The following NSL1 variants were observed in gnomAD, a reference collection of about 807,000 sequenced individuals.
NSL1 encodes NSL1 component of MIS12 kinetochore complex.
NSL1 carries 11 observed loss-of-function variants against 25.4 expected under a neutral mutation model. That is an observed-to-expected ratio of 0.43 (90% CI 0.27 to 0.72). The LOEUF is 0.72. Ranked by LOEUF, NSL1 falls within the 30% of genes least tolerant of loss-of-function variation. The pLI, the probability that NSL1 is intolerant of heterozygous loss-of-function variation, is 0.19. For missense variants in NSL1, 330 were observed against 342.7 expected (o/e 0.96, Z 0.29); for synonymous variants, 118 against 120.6 (o/e 0.98, Z 0.14).
chr1:212,740,424 A>T (rs1251686986), intron 4 of NSL1, among the ~76,000 whole-genome samples: 1 of 152,234 alleles, frequency 6.6e-6, no homozygotes, highest in Non-Finnish European at 1.5e-5. Context: ...AGCTTACTGA[A>T]AGAGGGCACT....
At chr1:212,778,452 G>A (rs1029321381) in intron 4 of NSL1, among the ~76,000 whole-genome samples, 4 of 152,288 alleles carry the variant, frequency 2.6e-5, no homozygotes, top group East Asian at 3.9e-4. Context: ...ATGCCGAGCC[G>A]AAGCTGGACT....
At chr1:212,761,290 C>T (rs762121094) in intron 4 of NSL1, among the ~76,000 whole-genome samples, 10 of 152,200 alleles carry the variant, frequency 6.6e-5, no homozygotes, top group Admixed American at 1.3e-4. Context: ...TGGCTCACCC[C>T]TGTAATCCTA....
At chr1:212,754,055 A>AG (rs985924180) in intron 4 of NSL1, among the ~76,000 whole-genome samples, 1 of 152,196 alleles carries the variant, frequency 6.6e-6, no homozygotes, top group Non-Finnish European at 1.5e-5. Context: ...AGAGGTAGGT[A>AG]GGGGCCAGAT....
rs1658288239 is a variant in NSL1, at chr1:212,737,680, C to A, written c.*728G>T. ...GATTTGTAAAGAAATAAATAAGAAACCCTAAAAAGAAACCATTAGTTCCAA... is the reference window on the plus strand; with the variant it reads ...GATTTGTAAAGAAATAAATAAGAAAACCTAAAAAGAAACCATTAGTTCCAA... On this transcript the variant is annotated 3_prime_UTR_variant, in exon 6 of 6. Coordinates refer to ENST00000366977, the MANE Select transcript of NSL1 (RefSeq NM_015471.4). The A allele has an allele frequency of 2.1e-6, 2 of 963,050 alleles. No homozygotes were observed. The highest frequency in any genetic ancestry group is 2.5e-6 in the Non-Finnish European group (2 of 809,704). The allele number at this position is 963,050 out of a possible 1,614,324, so 59.7% of individuals were successfully genotyped here.
intron 4 of NSL1, among the ~76,000 whole-genome samples, chr1:212,749,359 T>C (rs946325623): frequency 1.4e-5 from 2 of 147,654 alleles, no homozygotes; most frequent in Non-Finnish European, 3.0e-5. Context: ...TTTTTTTTTT[T>C]TTTGAGACAG....
chr1:212,730,415 G>A lies in NSL1; in HGVS notation c.*7993C>T. 1.0e-6 allele frequency: 1 copy of A among 985,196 alleles called. No individual in the cohort carries two copies. Among genetic ancestry groups the A allele is most frequent in the East Asian group, 1.1e-4 (1 of 8,808 alleles). 61.0% of individuals were successfully genotyped at this position (985,196 alleles called of 1,614,324 possible). On this transcript the variant is annotated 3_prime_UTR_variant, in exon 6 of 6. Coordinates refer to ENST00000366977, the MANE Select transcript of NSL1 (RefSeq NM_015471.4). ...TGTGGGCCACAGAGCTACATGAATG[G>A]GCACCAAGGGAGGTCTTAAAATCTG...
rs576682513 is a variant in NSL1, at chr1:212,733,511, T to C, written c.*4897A>G. Among the ~76,000 whole-genome samples, 4 of 152,258 alleles carry C rather than the reference T, an allele frequency of 2.6e-5. No individual in the cohort carries two copies. The highest frequency in any genetic ancestry group is 9.6e-5 in the African/African-American group (4 of 41,560). ...TCCACCCTCTCCATCTTTCCAGCCTTAGGCAGTGACAGATCTATTTTTTGT... is the reference window on the plus strand; with the variant it reads ...TCCACCCTCTCCATCTTTCCAGCCTCAGGCAGTGACAGATCTATTTTTTGT... On this transcript the variant is annotated 3_prime_UTR_variant, in exon 6 of 6. Coordinates refer to ENST00000366977, the MANE Select transcript of NSL1 (RefSeq NM_015471.4).
intron 4 of NSL1, among the ~76,000 whole-genome samples, chr1:212,765,621 G>A (rs181194867): frequency 9.3e-4 from 141 of 152,054 alleles, no homozygotes; most frequent in Middle Eastern, 6.8e-3. Context: ...AGGAATTTGA[G>A]ACCAGCCTGG....
rs1657891833 is a variant in NSL1, at chr1:212,728,838, TC to T, written c.*9569del. 3 of 985,258 alleles carry T rather than the reference TC, an allele frequency of 3.0e-6. No homozygotes were observed. Among genetic ancestry groups the T allele is most frequent in the Non-Finnish European group, 3.6e-6 (3 of 829,894 alleles). The allele number at this position is 985,258 out of a possible 1,614,324, so 61.0% of individuals were successfully genotyped here. On this transcript the variant is annotated 3_prime_UTR_variant, in exon 6 of 6. Transcript: ENST00000366977. Reference sequence around the variant, plus strand: ...GGCCCTCAGCGCAGAGAAAATTAAGTCTAGTGTTTGCAGGAGGGCAAGACTG... The same window carrying T: ...GGCCCTCAGCGCAGAGAAAATTAAGTTAGTGTTTGCAGGAGGGCAAGACTG...
intron 4 of NSL1, among the ~76,000 whole-genome samples, chr1:212,773,094 A>C (rs1214215446): frequency 6.6e-6 from 1 of 152,244 alleles, no homozygotes; most frequent in African/African-American, 2.4e-5. Flanking sequence ...AAACTACTAT[A>C]GGGAAACATA....
chr1:212,766,414 G>A (rs1659821893), intron 4 of NSL1: 1 of 409,194 alleles, frequency 2.4e-6, no homozygotes, highest in South Asian at 7.0e-5. Context: ...CCAGTGATAT[G>A]ATCGTATACC....
chr1:212,736,022 C>A lies in NSL1; in HGVS notation c.*2386G>T, dbSNP rs1571859971. On this transcript the variant is annotated 3_prime_UTR_variant, in exon 6 of 6. Coordinates refer to ENST00000366977, the MANE Select transcript of NSL1 (RefSeq NM_015471.4). ...GTGTTCTCTCTTCTTTGGGACTAGA[C>A]TTAACCTTCTTGTGTTCTTCTTATT... 2.0e-6 allele frequency: 2 copies of A among 985,256 alleles called. No homozygotes were observed. Among genetic ancestry groups the A allele is most frequent in the Middle Eastern group, 5.2e-4 (1 of 1,936 alleles). 61.0% of individuals were successfully genotyped at this position (985,256 alleles called of 1,614,324 possible). A position where few individuals can be genotyped will look rare whatever the true frequency, so the allele number is the denominator to read the frequency against.
chr1:212,754,566 C>T (rs1458353910), intron 4 of NSL1, among the ~76,000 whole-genome samples: 1 of 151,894 alleles, frequency 6.6e-6, no homozygotes, highest in African/African-American at 2.4e-5. Context: ...CACGTGAGGT[C>T]AGGAGTTGGA....
At chr1:212,767,345 G>C (rs891163757) in intron 4 of NSL1, among the ~76,000 whole-genome samples, 1 of 152,134 alleles carries the variant, frequency 6.6e-6, no homozygotes, top group Admixed American at 6.5e-5. Flanking sequence ...GTGGGGAAAG[G>C]ACATCCTAAT....
chr1:212,758,747 C>A lies in NSL1; in HGVS notation c.500-19146G>T, dbSNP rs935763541. 2.6e-5 allele frequency among the ~76,000 whole-genome samples: 4 copies of A among 152,274 alleles called. No individual in the cohort carries two copies. In the South Asian group the frequency reaches 8.3e-4, roughly 32 times the overall value. ...TTCAACACAATTCCTACCAAAATCC[C>A]AGCTGACTTCTTGACAGAAATTGAC... is the stretch of plus-strand genomic sequence containing the variant. On this transcript the variant is annotated intron_variant, in intron 4 of 5. Coordinates refer to ENST00000366977, the MANE Select transcript of NSL1 (RefSeq NM_015471.4).
intron 4 of NSL1, among the ~76,000 whole-genome samples, chr1:212,763,697 C>A (rs1246114353): frequency 6.6e-6 from 1 of 152,140 alleles, no homozygotes; most frequent in Non-Finnish European, 1.5e-5. Flanking sequence ...GGATGTTATA[C>A]AATGATAAAA....
At chr1:212,746,799 C>T (rs907503992) in intron 4 of NSL1, among the ~76,000 whole-genome samples, 1 of 152,222 alleles carries the variant, frequency 6.6e-6, no homozygotes, top group East Asian at 1.9e-4. Flanking sequence ...TTTATGTGTA[C>T]TTTGCCACTG....
intron 4 of NSL1, chr1:212,766,254 G>A (rs1371675564): frequency 3.1e-6 from 2 of 642,470 alleles, no homozygotes; most frequent in African/African-American, 1.8e-5. Flanking sequence ...GGGAAAAGTT[G>A]AAAGCATTCC....
At chr1:212,776,074 CA>C (rs951721468) in intron 4 of NSL1, among the ~76,000 whole-genome samples, 2 of 152,162 alleles carry the variant, frequency 1.3e-5, no homozygotes, top group African/African-American at 2.4e-5. Context: ...CTCGGCCTCC[CA>C]AAGTGCTGGG....
Sources: gnomAD v4.1 joint callset for allele counts (sites outside exome capture counted in the v4.1 genomes callset) on GRCh38, gnomAD v4.1.1 for gene constraint, MANE v1.5 for transcripts, NCBI Gene and HGNC (gene_info 2026-07-23, HGNC 2026-07-21) for gene names.